Variants in RRP15 observed in about 807,000 individuals in gnomAD.
The protein encoded by RRP15 is ribosomal RNA processing 15 homolog.
In RRP15, 18 loss-of-function variants were observed where a neutral mutation model predicts 27.1. That is an observed-to-expected ratio of 0.66 (90% CI 0.46 to 0.98). The LOEUF (loss-of-function observed/expected upper bound fraction) is 0.98, where lower values mean the gene tolerates loss of function less well. Among genes scored for constraint, RRP15 ranks in the 50% least tolerant of loss-of-function variants. The pLI is 0.00. For synonymous variants in RRP15, 107 were observed against 109.4 expected, an observed-to-expected ratio of 0.98 and a Z score of 0.14; for missense variants, 359 against 337.8, an observed-to-expected ratio of 1.06 and a Z score of -0.49.
Position 218,331,219 on chromosome 1 carries a change from T to C in RRP15, c.*128T>C. 1 of 774,512 alleles carries C rather than the reference T, an allele frequency of 1.3e-6. No homozygotes were observed. Among genetic ancestry groups the C allele is most frequent in the Non-Finnish European group, 2.0e-6 (1 of 504,198 alleles). 48.0% of individuals were successfully genotyped at this position (774,512 alleles called of 1,614,324 possible). A position where few individuals can be genotyped will look rare whatever the true frequency, so the allele number is the denominator to read the frequency against. On this transcript the variant is annotated 3_prime_UTR_variant, in exon 5 of 5. Coordinates refer to ENST00000366932, the MANE Select transcript of RRP15 (RefSeq NM_016052.4). ...AAAAGACTTTTGCCAGATTTCATAT[T>C]TCCCCTTTTCATGTACACTTTATAT...
In RRP15 at chr1:218,330,930, T is replaced by A; in HGVS notation, c.706-18T>A. On this transcript the variant is annotated intron_variant, in intron 4 of 4. Coordinates refer to ENST00000366932, the MANE Select transcript of RRP15 (RefSeq NM_016052.4). ...TGGAATTGACTTTTGAATATTTTGA[T>A]TCTATAATTTTCCTTAGACTGAAGT... 1.9e-6 allele frequency: 3 copies of A among 1,605,386 alleles called. No homozygotes were observed. The highest frequency in any genetic ancestry group is 2.6e-6 in the Non-Finnish European group (3 of 1,175,046).
At chr1:218,297,595 C>CT (rs1263608265) in intron 1 of RRP15, among the ~76,000 whole-genome samples, 1 of 152,124 alleles carries the variant, frequency 6.6e-6, no homozygotes, top group Non-Finnish European at 1.5e-5. Flanking sequence ...TCCTGGTAGC[C>CT]TTACTTCATT....
chr1:218,319,087 C>T (rs1656135541), intron 4 of RRP15, among the ~76,000 whole-genome samples: 1 of 150,712 alleles, frequency 6.6e-6, no homozygotes, highest in African/African-American at 2.4e-5. Context: ...GAGATGGAGT[C>T]TCATTCTTGT....
chr1:218,288,315 C>G (rs1655582144), intron 1 of RRP15, among the ~76,000 whole-genome samples: 1 of 152,182 alleles, frequency 6.6e-6, no homozygotes, highest in African/African-American at 2.4e-5. Context: ...TTCAATTTTG[C>G]AAACAGGCAA....
Position 218,291,528 on chromosome 1 carries a change from C to CTT in RRP15, c.139+6094_139+6095dup, listed in dbSNP as rs776529360. On this transcript the variant is annotated intron_variant, in intron 1 of 4. Transcript: ENST00000366932. ...AAAAGAAAGAAATCATTGAATTTTC[C>CTT]TTTTTTTTTTTTTTTTTTTTTTGAG... 7.6e-3 allele frequency among the ~76,000 whole-genome samples: 794 copies of CTT among 104,946 alleles called. 35 individuals are homozygous for CTT. Among genetic ancestry groups the CTT allele is most frequent in the African/African-American group, 0.024 (529 of 22,150 alleles). The allele number at this position is 104,946 out of a possible 152,430, so 68.8% of individuals were successfully genotyped here.
rs1363477947 is a variant in RRP15, at chr1:218,333,302, T to TA, written c.*2213dup. The TA allele has an allele frequency of 2.6e-5, 4 of 152,200 alleles. No homozygotes were observed. Among genetic ancestry groups the TA allele is most frequent in the African/African-American group, 4.8e-5 (2 of 41,462 alleles). The allele number at this position is 152,200 out of a possible 1,614,324, so 9.4% of individuals were successfully genotyped here. On this transcript the variant is annotated 3_prime_UTR_variant, in exon 5 of 5. Coordinates refer to ENST00000366932, the MANE Select transcript of RRP15 (RefSeq NM_016052.4). Reference sequence around the variant, plus strand: ...ATTCGTATTTTTGCATCTTGGGTATTAAGCAAAATACCATATGTATAAATA... The same window carrying TA: ...ATTCGTATTTTTGCATCTTGGGTATTAAAGCAAAATACCATATGTATAAATA...
intron 4 of RRP15, among the ~76,000 whole-genome samples, chr1:218,317,060 C>T (rs1451301799): frequency 1.3e-5 from 2 of 152,178 alleles, no homozygotes; most frequent in African/African-American, 4.8e-5. Context: ...GTATTACTTA[C>T]AAGAATTTAC....
intron 2 of RRP15, among the ~76,000 whole-genome samples, 188 bp from the exon 3 acceptor site, chr1:218,304,840 A>G (rs1655871419): frequency 1.3e-5 from 2 of 152,138 alleles, no homozygotes; most frequent in Admixed American, 1.3e-4. Flanking sequence ...TGCCTCTCGC[A>G]TGACACGCTG....
intron 2 of RRP15, among the ~76,000 whole-genome samples, chr1:218,304,491 T>C (rs1655864786): frequency 6.6e-6 from 1 of 152,208 alleles, no homozygotes; most frequent in Non-Finnish European, 1.5e-5. Context: ...AGACTATTGG[T>C]CAGATATGCT....
Position 218,324,299 on chromosome 1 carries a change from G to T in RRP15, c.706-6649G>T, listed in dbSNP as rs889453461. Among the ~76,000 whole-genome samples, 7 of 152,328 alleles carry T rather than the reference G, an allele frequency of 4.6e-5. No individual in the cohort carries two copies. In the East Asian group the frequency reaches 1.4e-3, roughly 29 times the overall value. On this transcript the variant is annotated intron_variant, in intron 4 of 4. Transcript: ENST00000366932. ...CCCGCACAAATGAACCCGACGCTCT[G>T]GGGGCTGGCCCCTTGAGTCTTGCCT...
intron 4 of RRP15, among the ~76,000 whole-genome samples, chr1:218,312,328 G>A (rs58050283): frequency 3.5e-5 from 5 of 143,724 alleles, no homozygotes; most frequent in Admixed American, 2.8e-4. Flanking sequence ...TGCTCTGCTC[G>A]TTTTGATTCT....
At chr1:218,311,561 TCA>T (rs1339705801) in intron 4 of RRP15, among the ~76,000 whole-genome samples, 3 of 152,216 alleles carry the variant, frequency 2.0e-5, no homozygotes, top group Non-Finnish European at 2.9e-5. Context: ...TTTCTTGTGA[TCA>T]TCCTGCTGCT....
chr1:218,334,533 G>T lies in RRP15; in HGVS notation c.*3442G>T, dbSNP rs1160537301. ...ACTTCAAGGAAAGTTGACTGATGAA[G>T]TTTATGTAGAGCTGTGAATATTATA... On this transcript the variant is annotated 3_prime_UTR_variant, in exon 5 of 5. Coordinates refer to ENST00000366932, the MANE Select transcript of RRP15 (RefSeq NM_016052.4). 1 of 152,156 alleles carries T rather than the reference G, an allele frequency of 6.6e-6. No individual in the cohort carries two copies. The highest frequency in any genetic ancestry group is 1.5e-5 in the Non-Finnish European group (1 of 68,032). 9.4% of individuals were successfully genotyped at this position (152,156 alleles called of 1,614,324 possible).
At position 218,323,782 on chromosome 1, in the gene RRP15, A is replaced by G. The variant is rs567061727; in HGVS notation, c.706-7166A>G. On this transcript the variant is annotated intron_variant, in intron 4 of 4. Transcript: ENST00000366932. ...GGGGCCAAGGGGGCAGGGGCCTGGC[A>G]TGTCAGCGCTGCCCCCAGTGTGCGT... 1.3e-3 allele frequency among the ~76,000 whole-genome samples: 191 copies of G among 152,282 alleles called. 1 individual carries two copies. Among genetic ancestry groups the G allele is most frequent in the Non-Finnish European group, 2.4e-3 (162 of 68,006 alleles).
At chr1:218,290,704 A>G (rs1655625178) in intron 1 of RRP15, among the ~76,000 whole-genome samples, 2 of 152,144 alleles carry the variant, frequency 1.3e-5, no homozygotes, top group South Asian at 2.1e-4. Context: ...CATGAGCTCA[A>G]TTGATCTGCC....
At chr1:218,317,679 T>C (rs1460039017) in intron 4 of RRP15, among the ~76,000 whole-genome samples, 1 of 151,974 alleles carries the variant, frequency 6.6e-6, no homozygotes, top group Non-Finnish European at 1.5e-5. Context: ...TATTTGATGA[T>C]TGTGTGTCGA....
rs1656415886 is a variant in RRP15, at chr1:218,334,229, A to T, written c.*3138A>T. On this transcript the variant is annotated 3_prime_UTR_variant, in exon 5 of 5. Coordinates refer to ENST00000366932, the MANE Select transcript of RRP15 (RefSeq NM_016052.4). ...ATTTTCAAATTACCTAGAATTCTGC[A>T]TTGCTCAAACATTATTCAATTGATT... 1 of 152,198 alleles carries T rather than the reference A, an allele frequency of 6.6e-6. No individual in the cohort carries two copies. The allele number at this position is 152,198 out of a possible 1,614,324, so 9.4% of individuals were successfully genotyped here. A position where few individuals can be genotyped will look rare whatever the true frequency, so the allele number is the denominator to read the frequency against.
chr1:218,326,924 T>C (rs1656283827), intron 4 of RRP15, among the ~76,000 whole-genome samples: 1 of 152,240 alleles, frequency 6.6e-6, no homozygotes, highest in Non-Finnish European at 1.5e-5. Context: ...GTTCTTCCAC[T>C]TCAACCCTTA....
At chr1:218,330,436 T>C (rs1418747506) in intron 4 of RRP15, among the ~76,000 whole-genome samples, 2 of 152,230 alleles carry the variant, frequency 1.3e-5, no homozygotes, top group African/African-American at 4.8e-5. Flanking sequence ...CAAATTTTTA[T>C]AAAAACATTA....
Sources: gnomAD v4.1 joint callset for allele counts (sites outside exome capture counted in the v4.1 genomes callset) on GRCh38, gnomAD v4.1.1 for gene constraint, MANE v1.5 for transcripts, NCBI Gene and HGNC (gene_info 2026-07-23, HGNC 2026-07-21) for gene names.